ARHGEF11: variants seen among roughly 807,000 people sequenced by gnomAD.
ARHGEF11 encodes Rho guanine nucleotide exchange factor 11.
A neutral mutation model predicts 193.7 loss-of-function variants in ARHGEF11; 55 were observed. The ratio of observed to expected loss-of-function variants is 0.28; its 90% CI spans 0.23 to 0.36. The LOEUF (loss-of-function observed/expected upper bound fraction) is 0.36. Among genes scored for constraint, ARHGEF11 ranks in the 10% least tolerant of loss-of-function variants. The probability of loss-of-function intolerance (pLI) is 1.00; values close to 1 mark genes in which losing one functional copy is unlikely to be tolerated. For synonymous variants in ARHGEF11, 693 were observed against 768.0 expected (o/e 0.90, Z 1.62); for missense variants, 1,723 against 2,005.6 (o/e 0.86, Z 2.69).
Position 156,938,473 on chromosome 1 carries a change from C to G in ARHGEF11, c.4137G>C (p.Glu1379Asp). 1.9e-6 allele frequency: 3 copies of G among 1,613,874 alleles called. No individual in the cohort carries two copies. Among genetic ancestry groups the G allele is most frequent in the African/African-American group, 1.3e-5 (1 of 75,016 alleles). Reference protein sequence around the residue: ...AGSKVVPALPESGQSEPGPPE... With the variant: ...AGSKVVPALPDSGQSEPGPPE... ...GTGGCCCAGGCTCTGACTGGCCACT[C>G]TCTGGTAGTGCAGGGACAACCTTGC... The change falls in exon 38 of 41, where the codon GAG becomes GAC. Residue 1379 changes from glutamate to aspartate, a missense_variant. Physicochemically the swap from Glu to Asp is conservative, Grantham distance 45. Transcript: ENST00000368194.
intron 11 of ARHGEF11, 113 bp from the exon 12 acceptor site, chr1:156,963,707 T>G (rs1661308182): frequency 2.7e-6 from 4 of 1,499,920 alleles, no homozygotes. Flanking sequence ...CACCCGGGTC[T>G]GGTGAACGTT....
At position 156,980,840 on chromosome 1, in the gene ARHGEF11, G is replaced by C. The variant is rs961482013; in HGVS notation, c.224-354C>G. Among the ~76,000 whole-genome samples, 9 of 126,020 alleles carry C rather than the reference G, an allele frequency of 7.1e-5. 1 individual carries two copies. The highest frequency in any genetic ancestry group is 3.2e-4 in the South Asian group (1 of 3,098). 82.7% of individuals were successfully genotyped at this position (126,020 alleles called of 152,430 possible). ...GTCAAATCAGTTATATTCCGGGGGGGGGGGGGGAAATGAGTTTACTGTATG... is the reference window on the plus strand; with the variant it reads ...GTCAAATCAGTTATATTCCGGGGGGCGGGGGGGAAATGAGTTTACTGTATG... On this transcript the variant is annotated intron_variant, in intron 3 of 40. Transcript: ENST00000368194.
Position 156,944,204 on chromosome 1 carries a change from G to C in ARHGEF11, c.3068-102C>G, listed in dbSNP as rs1657655698. The stretch of plus-strand genomic sequence containing the variant: ...TCTTGGAGGCTCTAGGAAGTCCTGG[G>C]AGTCTGGTGACCCCATTTCTCTCTC... On this transcript the variant is annotated intron_variant, in intron 31 of 40. Coordinates refer to ENST00000368194, the MANE Select transcript of ARHGEF11 (RefSeq NM_198236.3). The C allele has an allele frequency of 2.0e-5, 30 of 1,473,116 alleles. 1 individual carries two copies. In the South Asian group the frequency reaches 3.7e-4, roughly 18 times the overall value. 91.3% of individuals were successfully genotyped at this position (1,473,116 alleles called of 1,614,324 possible).
chr1:156,934,869 A>G lies in ARHGEF11; in HGVS notation c.*1131T>C, dbSNP rs956420348. 2.0e-5 allele frequency: 3 copies of G among 151,396 alleles called. No homozygotes were observed. The highest frequency in any genetic ancestry group is 2.1e-4 in the South Asian group (1 of 4,806). 9.4% of individuals were successfully genotyped at this position (151,396 alleles called of 1,614,324 possible). A position where few individuals can be genotyped will look rare whatever the true frequency, so the allele number is the denominator to read the frequency against. On this transcript the variant is annotated 3_prime_UTR_variant, in exon 41 of 41. Coordinates refer to ENST00000368194, the MANE Select transcript of ARHGEF11 (RefSeq NM_198236.3). ...GGATATTTAACTTTTCTTAAAAAAA[A>G]AATCTTAACCATGAAAGGAAGAAAA...
chr1:156,946,559 T>C (rs1658163179), intron 28 of ARHGEF11, 103 bp downstream of exon 28: 2 of 1,510,126 alleles, frequency 1.3e-6, no homozygotes, highest in African/African-American at 1.4e-5. Context: ...GTAGAGGGAG[T>C]TGCTGTAGAC....
At chr1:157,006,161 G>A (rs1353133056) in intron 1 of ARHGEF11, among the ~76,000 whole-genome samples, 1 of 152,002 alleles carries the variant, frequency 6.6e-6, no homozygotes, top group African/African-American at 2.4e-5. Flanking sequence ...TAGAGATAGG[G>A]TCTTGCTATG....
At chr1:156,942,904 C>G (rs73006696) in intron 32 of ARHGEF11, 124 bp from the exon 33 acceptor site, 2 of 739,300 alleles carry the variant, frequency 2.7e-6, no homozygotes, top group African/African-American at 1.7e-5. Context: ...GAGTGCAGCA[C>G]GAGACAGATG....
chr1:157,045,891 G>A (rs1313628989), upstream of ARHGEF11, among the ~76,000 whole-genome samples: 2 of 150,848 alleles, frequency 1.3e-5, no homozygotes, highest in East Asian at 1.9e-4. Context: ...GGGCGGGGCC[G>A]CAGGCTCCTC....
Position 156,958,956 on chromosome 1 carries a change from G to A in ARHGEF11, c.1379+90C>T, listed in dbSNP as rs1394166613. On this transcript the variant is annotated intron_variant, in intron 16 of 40. Coordinates refer to ENST00000368194, the MANE Select transcript of ARHGEF11 (RefSeq NM_198236.3). ...AGAACAAGACAAACACATATAACAA[G>A]AGATATGTGCACGTCCCAGAGGGAA... is the stretch of plus-strand genomic sequence containing the variant. 6.8e-6 allele frequency: 11 copies of A among 1,608,948 alleles called. No individual in the cohort carries two copies. In the East Asian group the frequency reaches 1.8e-4, roughly 26 times the overall value.
At chr1:156,990,314 G>C (rs1665530992) in intron 1 of ARHGEF11, among the ~76,000 whole-genome samples, 1 of 152,146 alleles carries the variant, frequency 6.6e-6, no homozygotes, top group South Asian at 2.1e-4. Context: ...AGTGATGTTG[G>C]ATAGCTTGCC....
At chr1:156,974,033 C>T (rs1159925566) in intron 7 of ARHGEF11, among the ~76,000 whole-genome samples, 3 of 152,104 alleles carry the variant, frequency 2.0e-5, no homozygotes, top group African/African-American at 7.2e-5. Flanking sequence ...GCCAATAACA[C>T]CTTCCAGTCA....
chr1:157,042,857 A>G (rs1302742427), intron 1 of ARHGEF11, among the ~76,000 whole-genome samples: 1 of 152,216 alleles, frequency 6.6e-6, no homozygotes, highest in Non-Finnish European at 1.5e-5. Flanking sequence ...AAACTCCAAG[A>G]GGATGAAAAG....
rs1553228459 is a variant in ARHGEF11 at position 157,013,259 on chromosome 1, T to TCTCACACACACACACACACACACACACA, written c.33-27087_33-27086insTGTGTGTGTGTGTGTGTGTGTGTGTGAG. Among the ~76,000 whole-genome samples the TCTCACACACACACACACACACACACACA allele has an allele frequency of 1.3e-3, 138 of 109,560 alleles. 2 individuals are homozygous for TCTCACACACACACACACACACACACACA. The highest frequency in any genetic ancestry group is 3.2e-3 in the African/African-American group (90 of 28,480). 71.9% of individuals were successfully genotyped at this position (109,560 alleles called of 152,430 possible). A position where few individuals can be genotyped will look rare whatever the true frequency, so the allele number is the denominator to read the frequency against. On this transcript the variant is annotated intron_variant, in intron 1 of 40. Transcript: ENST00000368194. ...CCCAACTGCTCATAACTCCCCACTATCACTCACACACACACACACACACAC... is the reference window on the plus strand; with the variant it reads ...CCCAACTGCTCATAACTCCCCACTATCTCACACACACACACACACACACACACACACTCACACACACACACACACACAC...
At chr1:156,957,900 T>C in intron 17 of ARHGEF11, 85 bp from the exon 18 acceptor site, 1 of 1,377,270 alleles carries the variant, frequency 7.3e-7, no homozygotes. Flanking sequence ...GGGTAAGTTT[T>C]TCCTAGATGA....
intron 29 of ARHGEF11, chr1:156,945,494 CA>C: frequency 2.6e-6 from 1 of 390,176 alleles, no homozygotes; most frequent in Non-Finnish European, 4.6e-6. Context: ...GGTAAATGGC[CA>C]CAATTATGCC....
chr1:156,961,832 C>A (rs1049343799), intron 13 of ARHGEF11, 57 bp from the exon 14 acceptor site: 6 of 1,515,668 alleles, frequency 4.0e-6, no homozygotes, highest in Non-Finnish European at 9.2e-7. Context: ...GTGATTTTGC[C>A]CCCTAGGGGA....
rs897620120 is a variant in ARHGEF11 at position 157,010,596 on chromosome 1, A to G, written c.33-24423T>C. Among the ~76,000 whole-genome samples, 6 of 6,662 alleles carry G rather than the reference A, an allele frequency of 9.0e-4. No individual in the cohort carries two copies. The Admixed American group carries it at 0.02, about 22-fold the overall frequency. The allele number at this position is 6,662 out of a possible 152,430, so 4.4% of individuals were successfully genotyped here. A position where few individuals can be genotyped will look rare whatever the true frequency, so the allele number is the denominator to read the frequency against. The stretch of plus-strand genomic sequence containing the variant: ...TTTTATTTTTAAATTTTTTGTAGAG[A>G]TGGGTCTTGCTACATTACCCAGGCC... On this transcript the variant is annotated intron_variant, in intron 1 of 40. Transcript: ENST00000368194.
intron 1 of ARHGEF11, among the ~76,000 whole-genome samples, chr1:157,015,261 A>G (rs1669068144): frequency 1.3e-5 from 2 of 152,180 alleles, no homozygotes; most frequent in Admixed American, 1.3e-4. Context: ...CACTGCCTAG[A>G]TCTGAATCCT....
Position 157,044,281 on chromosome 1 carries a change from A to C in ARHGEF11, c.32+18T>G, listed in dbSNP as rs1332437289. The C allele has an allele frequency of 6.2e-7, 1 of 1,612,108 alleles. No individual in the cohort carries two copies. The highest frequency in any genetic ancestry group is 1.3e-5 in the African/African-American group (1 of 74,608). ...TCCTTTAGTCAATGTTGAAAAATCA[A>C]ATTATTAGCAAACCTACCTGTCTAT... On this transcript the variant is annotated intron_variant, in intron 1 of 40. Coordinates refer to ENST00000368194, the MANE Select transcript of ARHGEF11 (RefSeq NM_198236.3).
Sources: gnomAD v4.1 joint callset for allele counts (sites outside exome capture counted in the v4.1 genomes callset) on GRCh38, gnomAD v4.1.1 for gene constraint, MANE v1.5 for transcripts, NCBI Gene and HGNC (gene_info 2026-07-23, HGNC 2026-07-21) for gene names.